The following THSD4 variants were observed in gnomAD, a reference collection of about 807,000 sequenced individuals.
THSD4 encodes thrombospondin type-1 domain-containing protein 4.
Under a neutral mutation model 119.0 loss-of-function variants are expected in THSD4, and 69 were observed. The observed-to-expected ratio is 0.58, with a 90% CI of 0.48 to 0.71. The LOEUF is 0.71. Ranked by LOEUF, THSD4 falls within the 30% of genes least tolerant of loss-of-function variation. The pLI, the probability that THSD4 is intolerant of heterozygous loss-of-function variation, is 0.00. For synonymous variants in THSD4, 524 were observed against 540.4 expected, an observed-to-expected ratio of 0.97 and a Z score of 0.42; for missense variants, 1,393 against 1,391.1, an observed-to-expected ratio of 1.00 and a Z score of -0.02.
Position 71,575,373 on chromosome 15 carries a change from GTTTTA to G in THSD4, c.1153-85152_1153-85148del, listed in dbSNP as rs368546744. Among the ~76,000 whole-genome samples, 17 of 152,206 alleles carry G rather than the reference GTTTTA, an allele frequency of 1.1e-4. No homozygotes were observed. In the South Asian group the frequency reaches 2.1e-3, roughly 19 times the overall value. ...CAGATCTCATCTGTACATACTTTAAGTTTTATTTTGTTTTAGTGATGAGCAAAAAC... is the reference window on the plus strand; with the variant it reads ...CAGATCTCATCTGTACATACTTTAAGTTTTGTTTTAGTGATGAGCAAAAAC... On this transcript the variant is annotated intron_variant, in intron 7 of 17. Coordinates refer to ENST00000261862, the MANE Select transcript of THSD4 (RefSeq NM_024817.3).
At chr15:71,598,569 G>C (rs560698930) in intron 7 of THSD4, among the ~76,000 whole-genome samples, 1 of 152,142 alleles carries the variant, frequency 6.6e-6, no homozygotes, top group East Asian at 1.9e-4. Flanking sequence ...CCTGTGCTTT[G>C]GGCTGGAATC....
intron 4 of THSD4, among the ~76,000 whole-genome samples, chr15:71,216,490 A>G (rs1408448676): frequency 6.6e-6 from 1 of 152,236 alleles, no homozygotes; most frequent in Non-Finnish European, 1.5e-5. Context: ...CCCCAGCCAC[A>G]TGCTCTTTAC....
intron 7 of THSD4, among the ~76,000 whole-genome samples, chr15:71,546,387 A>G (rs2140848430): frequency 6.6e-6 from 1 of 152,274 alleles, no homozygotes; most frequent in East Asian, 1.9e-4. Flanking sequence ...ATTTCAGGAT[A>G]ACAGGTGACC....
At chr15:71,709,467 G>A (rs2052464131) in intron 8 of THSD4, among the ~76,000 whole-genome samples, 1 of 152,182 alleles carries the variant, frequency 6.6e-6, no homozygotes, top group South Asian at 2.1e-4. Flanking sequence ...CTGCTCTCCT[G>A]TGCCATGATC....
At chr15:71,614,395 G>A (rs991127527) in intron 7 of THSD4, among the ~76,000 whole-genome samples, 14 of 152,164 alleles carry the variant, frequency 9.2e-5, no homozygotes, top group Non-Finnish European at 1.9e-4. Flanking sequence ...TCCTGACTGA[G>A]AGGATGCTAA....
chr15:71,771,469 T>C (rs1030167440), intron 17 of THSD4, among the ~76,000 whole-genome samples: 9 of 152,182 alleles, frequency 5.9e-5, no homozygotes, highest in Non-Finnish European at 1.0e-4. Context: ...TTCAAAGATT[T>C]GGCTCTATCG....
At chr15:71,461,744 C>A (rs550641964) in intron 7 of THSD4, among the ~76,000 whole-genome samples, 122 of 150,926 alleles carry the variant, frequency 8.1e-4, no homozygotes, top group Non-Finnish European at 1.6e-3. Context: ...TCATAATTTC[C>A]AAGTAGGATT....
chr15:71,321,223 A>G (rs2045262978), intron 6 of THSD4, among the ~76,000 whole-genome samples: 1 of 152,174 alleles, frequency 6.6e-6, no homozygotes, highest in Non-Finnish European at 1.5e-5. Context: ...CTGCAGCTTC[A>G]TGTACTCCCT....
chr15:71,702,552 G>C (rs146181360), intron 8 of THSD4, among the ~76,000 whole-genome samples: 1 of 152,118 alleles, frequency 6.6e-6, no homozygotes, highest in Non-Finnish European at 1.5e-5. Flanking sequence ...CTCCTATGCA[G>C]AATGTTACTT....
At chr15:71,664,275 C>A (rs1326862818) in intron 8 of THSD4, among the ~76,000 whole-genome samples, 3 of 152,098 alleles carry the variant, frequency 2.0e-5, no homozygotes, top group Non-Finnish European at 2.9e-5. Flanking sequence ...AGCCACCATG[C>A]CCAGCCAAAG....
intron 7 of THSD4, among the ~76,000 whole-genome samples, chr15:71,609,384 A>G (rs1308653863): frequency 6.6e-6 from 1 of 152,176 alleles, no homozygotes; most frequent in Non-Finnish European, 1.5e-5. Context: ...ATTCCTCAGC[A>G]TCTCTTCAGG....
chr15:71,277,741 C>T lies in THSD4; in HGVS notation c.1015+21026C>T, dbSNP rs1392714933. 2.6e-5 allele frequency among the ~76,000 whole-genome samples: 4 copies of T among 152,150 alleles called. No individual in the cohort carries two copies. In the East Asian group the frequency reaches 5.8e-4, roughly 22 times the overall value. ...GGGTTTTTGCTTCTCTCTGTCTTTC[C>T]TATTCTGTGACTGTCACTGCTCTAT... On this transcript the variant is annotated intron_variant, in intron 6 of 17. Coordinates refer to ENST00000261862, the MANE Select transcript of THSD4 (RefSeq NM_024817.3).
intron 6 of THSD4, among the ~76,000 whole-genome samples, chr15:71,394,771 TG>T (rs1214599277): frequency 1.3e-5 from 2 of 152,242 alleles, no homozygotes; most frequent in Non-Finnish European, 2.9e-5. Flanking sequence ...GTATATGCCC[TG>T]GGAGACTTTG....
chr15:71,429,014 A>C (rs961845246), intron 7 of THSD4, among the ~76,000 whole-genome samples: 16 of 152,146 alleles, frequency 1.1e-4, no homozygotes, highest in Non-Finnish European at 2.2e-4. Context: ...CATTTATCTA[A>C]CTGTGATGTA....
At chr15:71,411,653 C>CTTTAT (rs1380265718) in intron 6 of THSD4, 34 bp from the exon 7 acceptor site, 5 of 1,581,638 alleles carry the variant, frequency 3.2e-6, no homozygotes, top group Non-Finnish European at 3.4e-6. Flanking sequence ...TATACCTTAT[C>CTTTAT]TTTATTTTAT....
intron 7 of THSD4, among the ~76,000 whole-genome samples, chr15:71,639,516 G>A (rs556189826): frequency 9.2e-5 from 14 of 152,252 alleles, no homozygotes; most frequent in South Asian, 8.3e-4. Context: ...AGTTGTAGTC[G>A]TAAGAATTTT....
intron 17 of THSD4, among the ~76,000 whole-genome samples, chr15:71,773,156 G>A (rs1370799100): frequency 2.2e-5 from 3 of 133,746 alleles, no homozygotes; most frequent in East Asian, 2.2e-4. Context: ...AGGTGCAATC[G>A]CACCACTGCA....
intron 7 of THSD4, among the ~76,000 whole-genome samples, chr15:71,593,059 AGAAGTGAGCAGAG>A (rs1350812283): frequency 3.5e-4 from 54 of 152,272 alleles, no homozygotes; most frequent in African/African-American, 1.0e-3. Context: ...AATCAAGTGG[AGAAGTGAGCAGAG>A]GAAGTGAGCA....
intron 6 of THSD4, among the ~76,000 whole-genome samples, chr15:71,291,476 G>A (rs908942709): frequency 4.6e-5 from 7 of 152,186 alleles, no homozygotes; most frequent in African/African-American, 1.4e-4. Context: ...TTCAGTTCAA[G>A]TCTGAAGGCA....
Sources: allele counts gnomAD v4.1 joint callset (sites outside exome capture counted in the v4.1 genomes callset), GRCh38; gene constraint gnomAD v4.1.1; transcripts MANE v1.5; gene names NCBI Gene and HGNC (gene_info 2026-07-23, HGNC 2026-07-21).